Variants in STX18 observed in about 807,000 individuals in gnomAD.
STX18 encodes syntaxin 18.
STX18 carries 40 observed loss-of-function variants against 50.1 expected under a neutral mutation model. That is an observed-to-expected ratio of 0.80 (90% CI 0.62 to 1.04). The LOEUF is 1.04. Ranked by LOEUF, STX18 falls within the 50% of genes least tolerant of loss-of-function variation. The pLI is 0.00. For synonymous variants in STX18, 158 were observed against 151.8 expected, an observed-to-expected ratio of 1.04 and a Z score of -0.30; for missense variants, 410 against 415.8, an observed-to-expected ratio of 0.99 and a Z score of 0.12.
At chr4:4,421,236 A>C (rs77506357) in intron 9 of STX18, among the ~76,000 whole-genome samples, 4 of 152,134 alleles carry the variant, frequency 2.6e-5, no homozygotes, top group Non-Finnish European at 5.9e-5. Context: ...TATTACCTCT[A>C]TTTTATGAAA....
At chr4:4,425,078 GCCTGGGCACCA>G (rs746034355) in intron 8 of STX18, 75 bp downstream of exon 8, 651 of 1,275,860 alleles carry the variant, frequency 5.1e-4, no homozygotes, top group Non-Finnish European at 6.6e-4. Flanking sequence ...CCATGGGGAT[GCCTGGGCACCA>G]AGGTAAATAA....
At position 4,542,035 on chromosome 4, in the gene STX18, G is replaced by T; in HGVS notation, c.-71C>A. 1 of 1,463,690 alleles carries T rather than the reference G, an allele frequency of 6.8e-7. No individual in the cohort carries two copies. The highest frequency in any genetic ancestry group is 9.1e-7 in the Non-Finnish European group (1 of 1,102,438). The allele number at this position is 1,463,690 out of a possible 1,614,324, so 90.7% of individuals were successfully genotyped here. A position where few individuals can be genotyped will look rare whatever the true frequency, so the allele number is the denominator to read the frequency against. On this transcript the variant is annotated 5_prime_UTR_variant, in exon 1 of 11. Coordinates refer to ENST00000306200, the MANE Select transcript of STX18 (RefSeq NM_016930.4). ...AGCCGGCGACCGCGGCGCGAACCCG[G>T]CCGCTGAAGGACTGGTCCTGCCCCA...
At position 4,437,575 on chromosome 4, in the gene STX18, C is replaced by G. The variant is rs1725853792; in HGVS notation, c.613+819G>C. The G allele has an allele frequency of 9.2e-6, 9 of 980,914 alleles. No individual in the cohort carries two copies. In the South Asian group the frequency reaches 4.2e-4, roughly 46 times the overall value. The allele number at this position is 980,914 out of a possible 1,614,324, so 60.8% of individuals were successfully genotyped here. A position where few individuals can be genotyped will look rare whatever the true frequency, so the allele number is the denominator to read the frequency against. Reference sequence around the variant, plus strand: ...CCAAGCATTTCAGATAAGAGATACTCAACCTGTAATTTCTGTGACATGTCC... The same window carrying G: ...CCAAGCATTTCAGATAAGAGATACTGAACCTGTAATTTCTGTGACATGTCC... On this transcript the variant is annotated intron_variant, in intron 6 of 10. Coordinates refer to ENST00000306200, the MANE Select transcript of STX18 (RefSeq NM_016930.4).
chr4:4,447,086 T>C (rs1726449452), intron 5 of STX18, among the ~76,000 whole-genome samples: 1 of 152,210 alleles, frequency 6.6e-6, no homozygotes, highest in Non-Finnish European at 1.5e-5. Context: ...TGACACTAGG[T>C]ATACACATAT....
chr4:4,434,758 G>A lies in STX18; in HGVS notation c.702+12C>T. 2 of 1,595,004 alleles carry A rather than the reference G, an allele frequency of 1.3e-6. No individual in the cohort carries two copies. Among genetic ancestry groups the A allele is most frequent in the South Asian group, 1.2e-5 (1 of 86,776 alleles). ...AGTTAAAAATAAATAATTAGGCAGA[G>A]AATAGCATTACCATTTGTATTTCTT... On this transcript the variant is annotated intron_variant, in intron 7 of 10. Transcript: ENST00000306200.
chr4:4,421,624 G>A (rs1015989294), intron 9 of STX18, among the ~76,000 whole-genome samples: 1 of 152,248 alleles, frequency 6.6e-6, no homozygotes, highest in Admixed American at 6.5e-5. Context: ...CGCCGGTGAC[G>A]GACAAAAACC....
At chr4:4,435,896 T>C (rs1373333375) in intron 6 of STX18, among the ~76,000 whole-genome samples, 1 of 152,188 alleles carries the variant, frequency 6.6e-6, no homozygotes, top group Non-Finnish European at 1.5e-5. Flanking sequence ...GTGCAGTTCA[T>C]CACCGGGGTA....
At chr4:4,470,379 G>C (rs1473347918) in intron 2 of STX18, among the ~76,000 whole-genome samples, 5 of 152,188 alleles carry the variant, frequency 3.3e-5, no homozygotes, top group African/African-American at 9.7e-5. Flanking sequence ...AATCACCACA[G>C]TTGAGTGCTG....
intron 1 of STX18, among the ~76,000 whole-genome samples, chr4:4,478,469 C>T (rs930510036): frequency 2.0e-5 from 3 of 152,138 alleles, no homozygotes; most frequent in South Asian, 2.1e-4. Flanking sequence ...AAACAAGTAA[C>T]GAAAGCAACA....
intron 1 of STX18, among the ~76,000 whole-genome samples, chr4:4,528,538 C>T (rs796464140): frequency 1.4e-4 from 22 of 152,314 alleles, no homozygotes; most frequent in African/African-American, 3.6e-4. Flanking sequence ...CCATGCTTCT[C>T]GTACAGTCTG....
At chr4:4,506,344 A>G (rs576141424) in intron 1 of STX18, among the ~76,000 whole-genome samples, 9 of 152,362 alleles carry the variant, frequency 5.9e-5, no homozygotes, top group African/African-American at 2.2e-4. Flanking sequence ...TGTAACGGAT[A>G]CTACTTAGTA....
chr4:4,462,512 G>A (rs970082175), intron 2 of STX18, among the ~76,000 whole-genome samples: 7 of 152,170 alleles, frequency 4.6e-5, no homozygotes, highest in African/African-American at 7.2e-5. Context: ...GTAGAATTCA[G>A]TGTGCATGAG....
upstream of STX18, chr4:4,542,080 G>A (rs1293084901): frequency 3.2e-6 from 4 of 1,244,124 alleles, no homozygotes; most frequent in Non-Finnish European, 1.1e-6. Context: ...CCCCGGCAAC[G>A]GCGACGCGAG....
Position 4,420,498 on chromosome 4 carries a change from A to C in STX18, c.912+366T>G. On this transcript the variant is annotated intron_variant, in intron 10 of 10. Coordinates refer to ENST00000306200, the MANE Select transcript of STX18 (RefSeq NM_016930.4). The surrounding 1 kb of genome is among the most constrained non-coding windows in gnomAD (Gnocchi z 4.3). ...CTGAGCTTGGGAAACAGTCCCCTCA[A>C]CAGGATGGCTGTAGTGTCCTCTGTA... 1 of 392,348 alleles carries C rather than the reference A, an allele frequency of 2.5e-6. No homozygotes were observed. Among genetic ancestry groups the C allele is most frequent in the Non-Finnish European group, 4.7e-6 (1 of 214,386 alleles). 24.3% of individuals were successfully genotyped at this position (392,348 alleles called of 1,614,324 possible). A position where few individuals can be genotyped will look rare whatever the true frequency, so the allele number is the denominator to read the frequency against.
rs142761664 is a variant in STX18, at chr4:4,421,360, C to T, written c.832-416G>A. Among the ~76,000 whole-genome samples the T allele has an allele frequency of 8.6e-3, 1,313 of 152,182 alleles. 17 individuals are homozygous for T. The highest frequency in any genetic ancestry group is 0.03 in the African/African-American group (1,262 of 41,484). On this transcript the variant is annotated intron_variant, in intron 9 of 10. Transcript: ENST00000306200. ...TTTGAGACAGGGCTTAAACGATCCT[C>T]CCACTTCAGCCTCCCAAGTAGCTGG...
chr4:4,498,794 T>C (rs1437406832), intron 1 of STX18, among the ~76,000 whole-genome samples: 1 of 152,136 alleles, frequency 6.6e-6, no homozygotes, highest in Non-Finnish European at 1.5e-5. Flanking sequence ...TTTTATTTGA[T>C]AAAAAGAGAG....
chr4:4,481,735 T>G (rs1728473629), intron 1 of STX18: 1 of 152,228 alleles, frequency 6.6e-6, no homozygotes, highest in African/African-American at 2.4e-5. Flanking sequence ...TGGAGCATGT[T>G]GACCTGCTGA....
intron 1 of STX18, among the ~76,000 whole-genome samples, chr4:4,505,844 T>C (rs1020584491): frequency 6.6e-6 from 1 of 152,138 alleles, no homozygotes; most frequent in Admixed American, 6.5e-5. Flanking sequence ...TTATCACTTT[T>C]GCAGCACTGT....
chr4:4,421,704 G>C (rs934664984), intron 9 of STX18, among the ~76,000 whole-genome samples: 11 of 152,162 alleles, frequency 7.2e-5, no homozygotes, highest in Admixed American at 3.9e-4. Context: ...ATTTCTTTCT[G>C]AAGTCCACAG....
Sources: allele counts gnomAD v4.1 joint callset (sites outside exome capture counted in the v4.1 genomes callset), GRCh38; gene constraint gnomAD v4.1.1; non-coding constraint Gnocchi (gnomAD v3.1); transcripts MANE v1.5; gene names NCBI Gene and HGNC (gene_info 2026-07-23, HGNC 2026-07-21).